CDH13: variants seen among roughly 807,000 people sequenced by gnomAD.
CDH13 encodes the protein cadherin-13.
Under a neutral mutation model 63.8 loss-of-function variants are expected in CDH13, and 24 were observed. That is an observed-to-expected ratio of 0.38 (90% confidence interval 0.27 to 0.53). The LOEUF is 0.53. Among genes scored for constraint, CDH13 ranks in the 20% least tolerant of loss-of-function variants. CDH13 has a pLI of 0.85. For missense variants in CDH13, 1,049 were observed against 903.1 expected (o/e 1.16, Z -2.07); for synonymous variants, 503 against 355.3 (o/e 1.42, Z -4.67).
At chr16:83,364,764 G>A (rs1417845281) in intron 6 of CDH13, among the ~76,000 whole-genome samples, 2 of 152,134 alleles carry the variant, frequency 1.3e-5, no homozygotes, top group East Asian at 1.9e-4. Context: ...GGTTGGAGGA[G>A]GCAGACAGAA....
At chr16:82,748,434 G>C (rs2034275264) in intron 1 of CDH13, among the ~76,000 whole-genome samples, 2 of 152,164 alleles carry the variant, frequency 1.3e-5, no homozygotes, top group African/African-American at 4.8e-5. Flanking sequence ...TGGGCTATGG[G>C]AATCATCTCT....
chr16:83,794,366 A>G (rs535958534), intron 13 of CDH13, among the ~76,000 whole-genome samples: 4 of 152,198 alleles, frequency 2.6e-5, no homozygotes, highest in South Asian at 2.1e-4. Flanking sequence ...CAGCCTGGAC[A>G]ACATGGCGAA....
chr16:83,155,951 G>A (rs773678356), intron 4 of CDH13, among the ~76,000 whole-genome samples: 42 of 152,282 alleles, frequency 2.8e-4, no homozygotes, highest in Non-Finnish European at 5.0e-4. Context: ...CTTTGGGGAG[G>A]ACCTGGTCAT....
At chr16:82,902,576 T>A (rs117965574) in intron 2 of CDH13, among the ~76,000 whole-genome samples, 2 of 152,216 alleles carry the variant, frequency 1.3e-5, no homozygotes, top group East Asian at 3.9e-4. Flanking sequence ...TGTGTTTAGC[T>A]TCTTAACCTC....
At chr16:82,937,436 C>G (rs949943362) in intron 2 of CDH13, among the ~76,000 whole-genome samples, 18 of 149,492 alleles carry the variant, frequency 1.2e-4, no homozygotes, top group African/African-American at 4.5e-4. Context: ...CACACACACA[C>G]AGACACACAC....
intron 1 of CDH13, among the ~76,000 whole-genome samples, chr16:82,728,926 C>T (rs962724809): frequency 1.3e-5 from 2 of 152,126 alleles, no homozygotes; most frequent in South Asian, 4.1e-4. Context: ...CAACAATGTT[C>T]ACAGTATCTT....
At chr16:82,890,798 T>A (rs948185765) in intron 2 of CDH13, among the ~76,000 whole-genome samples, 1 of 152,000 alleles carries the variant, frequency 6.6e-6, no homozygotes, top group Non-Finnish European at 1.5e-5. Context: ...ATTATATGCA[T>A]GCACCACCAC....
At chr16:83,087,182 T>C (rs1294648642) in intron 3 of CDH13, among the ~76,000 whole-genome samples, 1 of 152,216 alleles carries the variant, frequency 6.6e-6, no homozygotes, top group African/African-American at 2.4e-5. Flanking sequence ...ATTGATTTTT[T>C]TAATTCAGTT....
intron 2 of CDH13, among the ~76,000 whole-genome samples, chr16:82,947,531 A>G (rs1356669722): frequency 3.3e-5 from 5 of 152,028 alleles, no homozygotes; most frequent in Non-Finnish European, 7.3e-5. Context: ...TGTAATTTTG[A>G]CACATCTGCC....
At chr16:83,290,431 G>A (rs778589148) in intron 5 of CDH13, among the ~76,000 whole-genome samples, 13 of 152,204 alleles carry the variant, frequency 8.5e-5, no homozygotes, top group Middle Eastern at 3.4e-3. Context: ...GAAGTCTCAC[G>A]AGATCTGATG....
At chr16:83,527,789 G>A (rs1598224960) in intron 7 of CDH13, among the ~76,000 whole-genome samples, 1 of 152,196 alleles carries the variant, frequency 6.6e-6, no homozygotes, top group African/African-American at 2.4e-5. Context: ...TCATTTGGGT[G>A]ATAATGGCAC....
At chr16:83,685,783 T>C (rs543599593) in intron 10 of CDH13, among the ~76,000 whole-genome samples, 1 of 152,286 alleles carries the variant, frequency 6.6e-6, no homozygotes, top group African/African-American at 2.4e-5. Context: ...CCCGGCTGAC[T>C]TTCAGCAGAT....
Position 83,099,882 on chromosome 16 carries a change from C to T in CDH13, c.367-25503C>T, listed in dbSNP as rs868349332. On this transcript the variant is annotated intron_variant, in intron 3 of 13. Transcript: ENST00000567109. ...GAGTGAGGAGGTGGTACTGTTATCG[C>T]TGCTGTTTTATGCTTTCTTCTGCCT... Among the ~76,000 whole-genome samples, 33 of 152,234 alleles carry T rather than the reference C, an allele frequency of 2.2e-4. 1 individual carries two copies. The Middle Eastern group carries it at 0.014, about 63-fold the overall frequency.
At chr16:83,674,635 T>A (rs1339258971) in intron 9 of CDH13, among the ~76,000 whole-genome samples, 2 of 152,222 alleles carry the variant, frequency 1.3e-5, no homozygotes, top group Non-Finnish European at 2.9e-5. Flanking sequence ...CCCTAACCAG[T>A]TAGCAATCCA....
At chr16:83,148,268 A>G (rs951904054) in intron 4 of CDH13, among the ~76,000 whole-genome samples, 13 of 152,140 alleles carry the variant, frequency 8.5e-5, no homozygotes, top group Non-Finnish European at 1.8e-4. Flanking sequence ...GGCCAGAGAG[A>G]CCACAATAGG....
chr16:83,105,353 A>G (rs1056251779), intron 3 of CDH13, among the ~76,000 whole-genome samples: 1 of 152,218 alleles, frequency 6.6e-6, no homozygotes, highest in African/African-American at 2.4e-5. Flanking sequence ...CATCATCTGC[A>G]TCTCCCATGG....
chr16:83,535,357 T>G (rs1386029594), intron 7 of CDH13, among the ~76,000 whole-genome samples: 5 of 152,256 alleles, frequency 3.3e-5, no homozygotes, highest in Non-Finnish European at 5.9e-5. Context: ...ATAAGTTGAT[T>G]GGCATTTTAG....
intron 2 of CDH13, among the ~76,000 whole-genome samples, chr16:82,923,541 A>G (rs1008803481): frequency 6.6e-6 from 1 of 152,190 alleles, no homozygotes; most frequent in Non-Finnish European, 1.5e-5. Flanking sequence ...CTCTGAGGCT[A>G]TGGAATCTAG....
At chr16:83,144,204 G>C (rs1224561801) in intron 4 of CDH13, among the ~76,000 whole-genome samples, 1 of 152,114 alleles carries the variant, frequency 6.6e-6, no homozygotes, top group African/African-American at 2.4e-5. Context: ...TGATTCTGAA[G>C]GTTTCTCCCA....
Sources: gnomAD v4.1 joint callset for allele counts (sites outside exome capture counted in the v4.1 genomes callset) on GRCh38, gnomAD v4.1.1 for gene constraint, MANE v1.5 for transcripts, NCBI Gene and HGNC (gene_info 2026-07-23, HGNC 2026-07-21) for gene names.